Variants in PLEKHM3 observed in about 807,000 individuals in gnomAD.
PLEKHM3 encodes the protein pleckstrin homology domain-containing family M member 3.
A neutral mutation model predicts 81.8 loss-of-function variants in PLEKHM3; 45 were observed. The ratio of observed to expected loss-of-function variants is 0.55; its 90% CI spans 0.43 to 0.71. PLEKHM3 has a LOEUF of 0.71. Ranked by LOEUF, PLEKHM3 falls within the 30% of genes least tolerant of loss-of-function variation. PLEKHM3 has a pLI of 0.00. For synonymous variants in PLEKHM3, 352 were observed against 356.4 expected (o/e 0.99, Z 0.14); for missense variants, 788 against 924.3 (o/e 0.85, Z 1.91).
At chr2:207,846,291 G>C (rs1371213797) in intron 7 of PLEKHM3, among the ~76,000 whole-genome samples, 2 of 151,810 alleles carry the variant, frequency 1.3e-5, no homozygotes. Context: ...ACAGGCGCCC[G>C]CCACCACACC....
At chr2:207,882,654 G>A (rs79401319) in intron 6 of PLEKHM3, among the ~76,000 whole-genome samples, 6,538 of 149,262 alleles carry the variant, frequency 0.044, 490 homozygotes, top group African/African-American at 0.15. Flanking sequence ...CACAATGGGA[G>A]TTGGTTAATC....
At position 207,858,170 on chromosome 2, in the gene PLEKHM3, G is replaced by GTA. The variant is rs1275238156; in HGVS notation, c.2108+2934_2108+2935insTA. Reference sequence around the variant, plus strand: ...TGTGTGTGTGTGTGTGTGTGTGTGTGTGTGTATATATTTTTTTTTTTGAGA... The same window carrying GTA: ...TGTGTGTGTGTGTGTGTGTGTGTGTGTATGTGTATATATTTTTTTTTTTGAGA... On this transcript the variant is annotated intron_variant, in intron 7 of 7. Transcript: ENST00000427836. Among the ~76,000 whole-genome samples, 302 of 99,582 alleles carry GTA rather than the reference G, an allele frequency of 3.0e-3. 2 individuals are homozygous for GTA. The highest frequency in any genetic ancestry group is 0.012 in the African/African-American group (268 of 21,698). The allele number at this position is 99,582 out of a possible 152,430, so 65.3% of individuals were successfully genotyped here.
At chr2:207,834,153 A>T (rs540651152) in intron 7 of PLEKHM3, among the ~76,000 whole-genome samples, 269 of 140,184 alleles carry the variant, frequency 1.9e-3, no homozygotes, top group Non-Finnish European at 3.2e-3. Context: ...TTTGAGACAG[A>T]GTTTTTGCTC....
At chr2:207,931,555 T>A (rs1366740672) in intron 4 of PLEKHM3, among the ~76,000 whole-genome samples, 1 of 152,176 alleles carries the variant, frequency 6.6e-6, no homozygotes, top group East Asian at 1.9e-4. Flanking sequence ...TATTTCAAAA[T>A]AAAAAAGGAA....
chr2:207,975,116 C>T (rs935630058), intron 3 of PLEKHM3, among the ~76,000 whole-genome samples: 1 of 152,154 alleles, frequency 6.6e-6, no homozygotes, highest in Non-Finnish European at 1.5e-5. Context: ...GTGTGAGCCA[C>T]CGCGCCCAGT....
At position 207,830,050 on chromosome 2, in the gene PLEKHM3, T is replaced by C. The variant is rs943336015; in HGVS notation, c.2109-1554A>G. On this transcript the variant is annotated intron_variant, in intron 7 of 7. Coordinates refer to ENST00000427836, the MANE Select transcript of PLEKHM3 (RefSeq NM_001080475.3). Reference sequence around the variant, plus strand: ...GGTTGGAAGGGGGAGAAAGAGAAAGTGTGTGTGTATGTGGGTGTGTGCGTG... The same window carrying C: ...GGTTGGAAGGGGGAGAAAGAGAAAGCGTGTGTGTATGTGGGTGTGTGCGTG... Among the ~76,000 whole-genome samples, 8 of 151,764 alleles carry C rather than the reference T, an allele frequency of 5.3e-5. No homozygotes were observed. The South Asian group carries it at 1.7e-3, about 32-fold the overall frequency.
chr2:207,924,873 T>C (rs1388083017), intron 5 of PLEKHM3, among the ~76,000 whole-genome samples: 1 of 151,814 alleles, frequency 6.6e-6, no homozygotes, highest in African/African-American at 2.4e-5. Flanking sequence ...TGTGGAGGCA[T>C]TGAGGGCAAG....
At chr2:207,834,151 A>T (rs1469327325) in intron 7 of PLEKHM3, among the ~76,000 whole-genome samples, 1 of 144,052 alleles carries the variant, frequency 6.9e-6, no homozygotes, top group African/African-American at 2.6e-5. Context: ...TTTTTGAGAC[A>T]GAGTTTTTGC....
At chr2:207,841,470 AAAAAAAAAAAATATATATATATAT>A (rs1559203159) in intron 7 of PLEKHM3, among the ~76,000 whole-genome samples, 10 of 51,810 alleles carry the variant, frequency 1.9e-4, no homozygotes, top group South Asian at 5.0e-4. Flanking sequence ...AAAAAAAAAA[AAAAAAAAAAAATATATATATATAT>A]ATATATATAT....
intron 1 of PLEKHM3, among the ~76,000 whole-genome samples, chr2:208,018,995 A>C (rs1236154441): frequency 1.3e-5 from 2 of 151,830 alleles, no homozygotes; most frequent in East Asian, 3.9e-4. Flanking sequence ...AAAAAAAAAA[A>C]AGAAAGGATT....
chr2:207,923,244 G>C (rs900257760), intron 5 of PLEKHM3, among the ~76,000 whole-genome samples: 1 of 152,108 alleles, frequency 6.6e-6, no homozygotes, highest in African/African-American at 2.4e-5. Context: ...ATATGTTAGA[G>C]GGACTGAGGA....
chr2:207,885,083 G>A (rs543202283), intron 6 of PLEKHM3, among the ~76,000 whole-genome samples: 2 of 152,344 alleles, frequency 1.3e-5, no homozygotes, highest in South Asian at 2.1e-4. Context: ...ACACTGCAGA[G>A]TTAGTAAAAT....
At chr2:207,876,028 C>CA (rs1433666456) in intron 6 of PLEKHM3, among the ~76,000 whole-genome samples, 1 of 152,164 alleles carries the variant, frequency 6.6e-6, no homozygotes, top group Non-Finnish European at 1.5e-5. Flanking sequence ...AGAAAGGTGG[C>CA]ATAGTCTGAT....
intron 3 of PLEKHM3, among the ~76,000 whole-genome samples, chr2:207,975,079 C>T (rs1484309118): frequency 2.6e-5 from 4 of 152,240 alleles, no homozygotes; most frequent in Admixed American, 2.0e-4. Flanking sequence ...CCGCCCGCCT[C>T]GGCCTCCCAA....
intron 6 of PLEKHM3, among the ~76,000 whole-genome samples, chr2:207,894,333 T>G (rs2105876955): frequency 6.6e-6 from 1 of 152,186 alleles, no homozygotes; most frequent in Non-Finnish European, 1.5e-5. Context: ...TGTAAATAAT[T>G]TTAGGGGTTA....
intron 1 of PLEKHM3, among the ~76,000 whole-genome samples, chr2:208,024,994 G>A (rs150203867): frequency 1.3e-5 from 2 of 152,238 alleles, no homozygotes; most frequent in African/African-American, 4.8e-5. Context: ...CATTAAAAAC[G>A]GACAGAGTCG....
chr2:207,941,842 T>C (rs1689948742), intron 4 of PLEKHM3, among the ~76,000 whole-genome samples: 1 of 152,090 alleles, frequency 6.6e-6, no homozygotes, highest in Admixed American at 6.5e-5. Context: ...CACATACAAA[T>C]AGCCAACAGG....
At chr2:207,900,158 C>G (rs2105886451) in intron 6 of PLEKHM3, 1 of 152,330 alleles carries the variant, frequency 6.6e-6, no homozygotes, top group South Asian at 2.1e-4. Flanking sequence ...AGCCTCATCT[C>G]TAGCCTAGGT....
At chr2:207,842,579 C>T (rs1205805879) in intron 7 of PLEKHM3, among the ~76,000 whole-genome samples, 3 of 150,784 alleles carry the variant, frequency 2.0e-5, no homozygotes, top group South Asian at 4.1e-4. Flanking sequence ...TATATATTAA[C>T]ATTGAAGGAG....
Sources: allele counts gnomAD v4.1 joint callset (sites outside exome capture counted in the v4.1 genomes callset), GRCh38; gene constraint gnomAD v4.1.1; transcripts MANE v1.5; gene names NCBI Gene and HGNC (gene_info 2026-07-23, HGNC 2026-07-21).